The following AFG2B variants were observed in gnomAD, a reference collection of about 807,000 sequenced individuals.
AFG2B encodes ATPase family gene 2 protein homolog B.
At chr15:45,421,229 G>C in the AFG2B span, 39 of 1,550,436 alleles carry the variant, frequency 2.5e-5, 1 homozygote, top group South Asian at 2.3e-4. Context: ...TTAAACTCTT[G>C]TTCAGTTCAC....
chr15:45,411,565 A>G, the AFG2B span, among the ~76,000 whole-genome samples: 1 of 151,990 alleles, frequency 6.6e-6, no homozygotes. Flanking sequence ...CAGTCCTCCA[A>G]CTCGGCCTCC....
At chr15:45,412,837 A>G in the AFG2B span, among the ~76,000 whole-genome samples, 1 of 152,226 alleles carries the variant, frequency 6.6e-6, no homozygotes, top group Non-Finnish European at 1.5e-5. Flanking sequence ...GCAACTCTTC[A>G]GATCCTCTCA....
At chr15:45,415,793 G>A in the AFG2B span, 2 of 1,609,526 alleles carry the variant, frequency 1.2e-6, no homozygotes, top group Non-Finnish European at 1.7e-6. Flanking sequence ...AATACAAGGA[G>A]CTGAAAAAAT....
chr15:45,420,006 AAAAAAAAAC>A, the AFG2B span, among the ~76,000 whole-genome samples: 2 of 149,068 alleles, frequency 1.3e-5, no homozygotes, highest in Admixed American at 1.3e-4. Context: ...CCAAAAAAAA[AAAAAAAAAC>A]AAAAAACAAA....
At chr15:45,403,075 C>T in the AFG2B span, 3 of 1,532,434 alleles carry the variant, frequency 2.0e-6, no homozygotes, top group Admixed American at 2.0e-5. Flanking sequence ...GCGGGAGCTC[C>T]TCCGCCTCCC....
chr15:45,415,495 C>CAAAAAA, the AFG2B span: 5 of 836,208 alleles, frequency 6.0e-6, no homozygotes, highest in Non-Finnish European at 6.7e-6. Flanking sequence ...AAGACTGTCT[C>CAAAAAA]AAAAAAAAAA....
the AFG2B span, among the ~76,000 whole-genome samples, chr15:45,404,035 C>T: frequency 6.6e-6 from 1 of 152,166 alleles, no homozygotes; most frequent in African/African-American, 2.4e-5. Context: ...TCCTATTCCA[C>T]AATTGAGGAG....
At chr15:45,416,197 A>C in the AFG2B span, among the ~76,000 whole-genome samples, 1 of 152,230 alleles carries the variant, frequency 6.6e-6, no homozygotes, top group East Asian at 1.9e-4. Flanking sequence ...AGGCCAAGGC[A>C]GAAGGGTTGC....
the AFG2B span, among the ~76,000 whole-genome samples, chr15:45,403,801 A>G: frequency 2.0e-5 from 3 of 152,302 alleles, no homozygotes; most frequent in South Asian, 6.2e-4. Flanking sequence ...TGTCCATTAC[A>G]GATTAATTTT....
the AFG2B span, chr15:45,410,558 T>C: frequency 6.3e-7 from 1 of 1,577,844 alleles, no homozygotes; most frequent in African/African-American, 1.4e-5. Flanking sequence ...CTTAATCCAG[T>C]AGGATATTAC....
chr15:45,412,428 G>A, the AFG2B span, among the ~76,000 whole-genome samples: 1 of 151,942 alleles, frequency 6.6e-6, no homozygotes, highest in African/African-American at 2.4e-5. Context: ...ATCTAAAACG[G>A]GGGTCAACAG....
At chr15:45,409,419 G>A in the AFG2B span, among the ~76,000 whole-genome samples, 1 of 151,446 alleles carries the variant, frequency 6.6e-6, no homozygotes, top group African/African-American at 2.4e-5. Context: ...TACTGGAGAG[G>A]TGTGGAGAGA....
At chr15:45,402,994 G>A in the AFG2B span, 24 of 1,590,810 alleles carry the variant, frequency 1.5e-5, no homozygotes, top group Non-Finnish European at 2.0e-5. Context: ...CCTTGGCGGG[G>A]AGCCTCCGTC....
the AFG2B span, chr15:45,402,680 C>G: frequency 6.4e-7 from 1 of 1,574,708 alleles, no homozygotes; most frequent in Non-Finnish European, 8.6e-7. Flanking sequence ...CCCGGGGCGG[C>G]GGTCGGGGCG....
the AFG2B span, chr15:45,417,198 C>G: frequency 6.4e-7 from 1 of 1,553,608 alleles, no homozygotes; most frequent in South Asian, 1.2e-5. Flanking sequence ...AATAGACCTT[C>G]TGATTTATAA....
chr15:45,412,394 G>A, the AFG2B span, among the ~76,000 whole-genome samples: 43 of 143,772 alleles, frequency 3.0e-4, no homozygotes, highest in East Asian at 7.4e-3. Flanking sequence ...GTGAGACTCC[G>A]TCTCAAAAAA....
At chr15:45,403,061 C>G in the AFG2B span, 2 of 1,545,026 alleles carry the variant, frequency 1.3e-6, no homozygotes, top group Admixed American at 1.9e-5. Flanking sequence ...GCGGCCGACT[C>G]GCTGCGGGAG....
the AFG2B span, among the ~76,000 whole-genome samples, chr15:45,404,913 A>G: frequency 6.6e-6 from 1 of 152,098 alleles, no homozygotes; most frequent in African/African-American, 2.4e-5. Flanking sequence ...TTATTGATAC[A>G]TAATTGTGCA....
chr15:45,417,478 A>AC, the AFG2B span: 9 of 1,485,008 alleles, frequency 6.1e-6, no homozygotes, highest in South Asian at 9.2e-5. Context: ...ATGGTGTTCT[A>AC]CTTACCCTGG....
Sources: allele counts gnomAD v4.1 joint callset (sites outside exome capture counted in the v4.1 genomes callset), GRCh38; gene constraint gnomAD v4.1.1; transcripts MANE v1.5; gene names NCBI Gene and HGNC (gene_info 2026-07-23, HGNC 2026-07-21).